Variants in NDRG1 observed in about 807,000 individuals in gnomAD.
NDRG1 encodes the protein protein NDRG1.
Under a neutral mutation model 56.9 loss-of-function variants are expected in NDRG1, and 32 were observed. The observed-to-expected ratio is 0.56, with a 90% CI of 0.42 to 0.76. The LOEUF (loss-of-function observed/expected upper bound fraction) is 0.76, where lower values mean the gene tolerates loss of function less well. Ranked by LOEUF, NDRG1 falls within the 30% of genes least tolerant of loss-of-function variation. The probability of loss-of-function intolerance (pLI) is 0.00; values close to 1 mark genes in which losing one functional copy is unlikely to be tolerated. For synonymous variants in NDRG1, 211 were observed against 204.1 expected, an observed-to-expected ratio of 1.03 and a Z score of -0.29; for missense variants, 507 against 545.7, an observed-to-expected ratio of 0.93 and a Z score of 0.71.
chr8:133,255,463 C>T, intron 8 of NDRG1: 1 of 438,768 alleles, frequency 2.3e-6, no homozygotes, highest in Non-Finnish European at 4.6e-6. Context: ...AATAGTACAG[C>T]TATTAAAGAC....
chr8:133,262,216 A>G (rs1856696985), intron 4 of NDRG1, 49 bp from the exon 5 acceptor site: 2 of 1,610,700 alleles, frequency 1.2e-6, no homozygotes, highest in Non-Finnish European at 1.7e-6. Flanking sequence ...AGATGAGAAA[A>G]AAATTAGGTG....
Position 133,250,497 on chromosome 8 carries a change from T to A in NDRG1, c.641A>T (p.His214Leu). 6.2e-7 allele frequency: 1 copy of A among 1,614,160 alleles called. No homozygotes were observed. Among genetic ancestry groups the A allele is most frequent in the Non-Finnish European group, 8.5e-7 (1 of 1,180,042 alleles). The change falls in exon 10 of 16, where the codon CAC becomes CTC. Residue 214 changes from histidine to leucine, a missense_variant. Transcript: ENST00000323851. ...GCCGGGGTTCATGTCATTCACAATG[T>A]GCTGGCGGTAGGTGTGGACCACTTC... ...NVEVVHTYRQ[H>L]IVNDMNPGNL...
intron 3 of NDRG1, among the ~76,000 whole-genome samples, chr8:133,274,964 G>C (rs1004719698): frequency 1.3e-4 from 20 of 152,224 alleles, no homozygotes; most frequent in African/African-American, 3.9e-4. Context: ...GGACACTGAA[G>C]TGCATGGCAG....
chr8:133,246,978 C>A (rs1855720699), intron 12 of NDRG1, among the ~76,000 whole-genome samples: 1 of 152,156 alleles, frequency 6.6e-6, no homozygotes, highest in South Asian at 2.1e-4. Context: ...TGTAGAAATA[C>A]CTGCTAAATA....
At chr8:133,263,933 G>T (rs1005438857) in intron 4 of NDRG1, among the ~76,000 whole-genome samples, 4 of 131,312 alleles carry the variant, frequency 3.0e-5, no homozygotes, top group African/African-American at 1.2e-4. Flanking sequence ...AAAAAAAAAA[G>T]AAAGAAAGAA....
Position 133,256,690 on chromosome 8 carries a change from A to G in NDRG1, c.537+87T>C, listed in dbSNP as rs534146980. On this transcript the variant is annotated intron_variant, in intron 8 of 15. Coordinates refer to ENST00000323851, the MANE Select transcript of NDRG1 (RefSeq NM_006096.4). ...AGGAGTGGGTAAAGAGAGAGCTCGT[A>G]GCTCCAGGGATCCCCCAGGCAGAGG... 17 of 1,288,876 alleles carry G rather than the reference A, an allele frequency of 1.3e-5. No individual in the cohort carries two copies. In the African/African-American group the frequency reaches 2.2e-4, roughly 17 times the overall value. 79.8% of individuals were successfully genotyped at this position (1,288,876 alleles called of 1,614,324 possible). A position where few individuals can be genotyped will look rare whatever the true frequency, so the allele number is the denominator to read the frequency against.
rs10090289 is a variant in NDRG1, at chr8:133,267,720, T to G, written c.100-3068A>C. ...AAAAGACAGGCCAGGGCAGGCGGTG[T>G]CCCCACCGCCACGGACATCGGAGTT... On this transcript the variant is annotated intron_variant, in intron 3 of 15. Transcript: ENST00000323851. Among the ~76,000 whole-genome samples, 993 of 152,070 alleles carry G rather than the reference T, an allele frequency of 6.5e-3. 12 individuals are homozygous for G. The highest frequency in any genetic ancestry group is 0.021 in the African/African-American group (854 of 41,478).
intron 1 of NDRG1, among the ~76,000 whole-genome samples, chr8:133,294,674 G>GA (rs1858636996): frequency 6.9e-6 from 1 of 145,096 alleles, no homozygotes; most frequent in South Asian, 2.1e-4. Flanking sequence ...TCTGTCATGG[G>GA]GGGGGGGCAG....
At chr8:133,247,387 C>G (rs779798403) in intron 12 of NDRG1, among the ~76,000 whole-genome samples, 6 of 152,240 alleles carry the variant, frequency 3.9e-5, no homozygotes, top group Non-Finnish European at 8.8e-5. Flanking sequence ...TCTTCCATCT[C>G]CCCAGCTGTG....
At chr8:133,246,591 C>T (rs370127482) in intron 13 of NDRG1, 25 bp downstream of exon 13, 27 of 1,613,440 alleles carry the variant, frequency 1.7e-5, no homozygotes, top group African/African-American at 2.7e-5. Flanking sequence ...ATAACAAACA[C>T]GAACCCCCAC....
intron 1 of NDRG1, among the ~76,000 whole-genome samples, chr8:133,292,092 C>T (rs1053648893): frequency 6.6e-6 from 1 of 152,048 alleles, no homozygotes; most frequent in Non-Finnish European, 1.5e-5. Context: ...TCTGAGGGGA[C>T]GAGGTGAATA....
rs1218477256 is a variant in NDRG1, at chr8:133,293,322, C to T, written c.-19+3812G>A. Among the ~76,000 whole-genome samples, 4 of 152,214 alleles carry T rather than the reference C, an allele frequency of 2.6e-5. No homozygotes were observed. In the South Asian group the frequency reaches 8.3e-4, roughly 32 times the overall value. On this transcript the variant is annotated intron_variant, in intron 1 of 15. Transcript: ENST00000323851. ...CAGCCATCAAGGGAGGCAGGAACAA[C>T]AGCCTGGGGTGGATCCAGGAAACAA... is the stretch of plus-strand genomic sequence containing the variant.
intron 8 of NDRG1, chr8:133,255,450 G>C (rs756211978): frequency 2.2e-6 from 1 of 454,802 alleles, no homozygotes; most frequent in South Asian, 1.6e-5. Flanking sequence ...CTGTACTGAA[G>C]GGAATAGTAC....
intron 3 of NDRG1, among the ~76,000 whole-genome samples, chr8:133,273,347 C>G (rs544296621): frequency 6.6e-6 from 1 of 152,342 alleles, no homozygotes; most frequent in South Asian, 2.1e-4. Context: ...TGTCCCTTCC[C>G]CAAAACTCGT....
intron 4 of NDRG1, among the ~76,000 whole-genome samples, chr8:133,262,816 C>T (rs1466350219): frequency 6.6e-6 from 1 of 152,208 alleles, no homozygotes; most frequent in African/African-American, 2.4e-5. Flanking sequence ...ATACCTGCCA[C>T]CCAGATTCTC....
At chr8:133,295,563 G>A (rs1300714283) in intron 1 of NDRG1, among the ~76,000 whole-genome samples, 1 of 152,236 alleles carries the variant, frequency 6.6e-6, no homozygotes, top group Non-Finnish European at 1.5e-5. Flanking sequence ...TTCCAAGAAA[G>A]GCGCTGGGGT....
chr8:133,258,425 G>C lies in NDRG1; in HGVS notation c.391C>G (p.Leu131Val). The stretch of plus-strand genomic sequence containing the variant: ...GTTCCCATGCCAATAATGCTTTTCA[G>C]CCTGGAAGCAAAAATACAAATGCAT... ...MLPGVLQQFG[L>V]KSIIGMGTGA... The change falls in exon 7 of 16, where the codon CTG (leucine) becomes GTG (valine). Residue 131 changes from leucine to valine, a missense_variant and splice_region_variant. Physicochemically the swap from Leu to Val is conservative, Grantham distance 32. Transcript: ENST00000323851. 6.2e-7 allele frequency: 1 copy of C among 1,609,332 alleles called. No homozygotes were observed. The highest frequency in any genetic ancestry group is 8.5e-7 in the Non-Finnish European group (1 of 1,177,780).
intron 3 of NDRG1, among the ~76,000 whole-genome samples, chr8:133,266,193 G>T (rs367870895): frequency 1.3e-5 from 2 of 152,224 alleles, no homozygotes; most frequent in African/African-American, 2.4e-5. Context: ...ATCAGCCTCC[G>T]CGGGGCCCCA....
intron 12 of NDRG1, 142 bp downstream of exon 12, chr8:133,247,733 A>G (rs1448640124): frequency 1.2e-5 from 11 of 910,988 alleles, no homozygotes; most frequent in Admixed American, 2.0e-5. Context: ...CCCTCTGCCC[A>G]AAGGCCAATA....
Sources: gnomAD v4.1 joint callset for allele counts (sites outside exome capture counted in the v4.1 genomes callset) on GRCh38, gnomAD v4.1.1 for gene constraint, MANE v1.5 for transcripts, NCBI Gene and HGNC (gene_info 2026-07-23, HGNC 2026-07-21) for gene names.